GPR176: variants seen among roughly 807,000 people sequenced by gnomAD.
GPR176 encodes G protein-coupled receptor 176, also known as G-protein coupled receptor 176.
A neutral mutation model predicts 35.4 loss-of-function variants in GPR176; 26 were observed. The observed-to-expected ratio is 0.74, with a 90% CI of 0.54 to 1.02. The LOEUF (loss-of-function observed/expected upper bound fraction) is 1.02, where lower values mean the gene tolerates loss of function less well. GPR176 is among the 50% of genes least tolerant of loss of function. The probability of loss-of-function intolerance (pLI) is 0.00; values close to 1 mark genes in which losing one functional copy is unlikely to be tolerated. For missense variants in GPR176, 597 were observed against 665.3 expected (o/e 0.90, Z 1.13); for synonymous variants, 278 against 271.3 (o/e 1.02, Z -0.24).
At chr15:39,886,185 A>G (rs770918420) in intron 1 of GPR176, among the ~76,000 whole-genome samples, 1 of 152,096 alleles carries the variant, frequency 6.6e-6, no homozygotes, top group Non-Finnish European at 1.5e-5. Flanking sequence ...GTGAGCCCAG[A>G]TCGTGCCATT....
intron 1 of GPR176, among the ~76,000 whole-genome samples, chr15:39,840,922 G>GC (rs1016352961): frequency 6.6e-6 from 1 of 152,012 alleles, no homozygotes. Flanking sequence ...ATTACTAGTT[G>GC]CCCCCTGAGG....
intron 1 of GPR176, among the ~76,000 whole-genome samples, chr15:39,902,347 T>G (rs138962574): frequency 7.2e-5 from 11 of 152,294 alleles, no homozygotes; most frequent in Non-Finnish European, 1.2e-4. Context: ...CATTGATTTG[T>G]TATTAACAAG....
At chr15:39,891,738 C>G (rs2032880145) in intron 1 of GPR176, among the ~76,000 whole-genome samples, 1 of 152,128 alleles carries the variant, frequency 6.6e-6, no homozygotes, top group Admixed American at 6.5e-5. Flanking sequence ...ACTTGGGAGG[C>G]TGAGGTTGGA....
At position 39,801,909 on chromosome 15, in the gene GPR176, G is replaced by A; in HGVS notation, c.771C>T (p.Ala257=). 6.2e-7 allele frequency: 1 copy of A among 1,614,050 alleles called. No homozygotes were observed. ...CGTGCAGCTCGGCCTCCCGCTGGGA[G>A]GCATAGGGAATAGAGATGGTGTTCT... is the stretch of plus-strand genomic sequence containing the variant. ...TPQNTISIPY[A]SQREAELHAT... Residue 257 remains alanine (A), a synonymous_variant, in exon 3 of 3, where the codon GCC becomes GCT. Transcript: ENST00000561100.
At chr15:39,831,770 G>A (rs780555769) in intron 1 of GPR176, among the ~76,000 whole-genome samples, 10 of 152,102 alleles carry the variant, frequency 6.6e-5, no homozygotes, top group Non-Finnish European at 1.5e-4. Flanking sequence ...TCAGCCACTA[G>A]TCCTCTGTCT....
At chr15:39,833,307 A>G (rs1901208604) in intron 1 of GPR176, among the ~76,000 whole-genome samples, 1 of 152,232 alleles carries the variant, frequency 6.6e-6, no homozygotes, top group African/African-American at 2.4e-5. Flanking sequence ...ATACAATGAA[A>G]TATTAAAAGG....
intron 1 of GPR176, among the ~76,000 whole-genome samples, chr15:39,919,408 T>C (rs1362696419): frequency 1.3e-5 from 2 of 152,158 alleles, no homozygotes; most frequent in East Asian, 1.9e-4. Flanking sequence ...ATCAAAATAA[T>C]TGTATATATT....
rs1217860415 is a variant in GPR176 at position 39,800,554 on chromosome 15, C to T, written c.*578G>A. On this transcript the variant is annotated 3_prime_UTR_variant, in exon 3 of 3. Transcript: ENST00000561100. ...GTGAGGAATCGTCATTCCTTACCTA[C>T]ATCCCAATGAAAGGGACGAAGGGTA... The T allele has an allele frequency of 6.5e-6, 1 of 153,858 alleles. No individual in the cohort carries two copies. Among genetic ancestry groups the T allele is most frequent in the African/African-American group, 2.4e-5 (1 of 41,436 alleles). 9.5% of individuals were successfully genotyped at this position (153,858 alleles called of 1,614,324 possible).
chr15:39,811,749 T>C (rs1176431223), intron 1 of GPR176, among the ~76,000 whole-genome samples: 3 of 152,074 alleles, frequency 2.0e-5, no homozygotes, highest in East Asian at 1.9e-4. Context: ...ACCCCGTCTC[T>C]ACTAAAAATA....
chr15:39,908,160 A>G (rs1434713515), intron 1 of GPR176, among the ~76,000 whole-genome samples: 2 of 152,188 alleles, frequency 1.3e-5, no homozygotes, highest in Non-Finnish European at 1.5e-5. Flanking sequence ...CACAGCTTCC[A>G]GCCTTCTTTA....
chr15:39,856,496 G>A (rs976648440), intron 1 of GPR176, among the ~76,000 whole-genome samples: 1 of 152,174 alleles, frequency 6.6e-6, no homozygotes, highest in Non-Finnish European at 1.5e-5. Context: ...GTCAAGCTAT[G>A]GGGCATGGCT....
chr15:39,911,703 T>A (rs953402396), intron 1 of GPR176, among the ~76,000 whole-genome samples: 2 of 152,260 alleles, frequency 1.3e-5, no homozygotes, highest in African/African-American at 2.4e-5. Context: ...CAGGGCTACA[T>A]GCTTAGCTTA....
At chr15:39,830,271 C>T (rs1381717041) in intron 1 of GPR176, among the ~76,000 whole-genome samples, 1 of 152,156 alleles carries the variant, frequency 6.6e-6, no homozygotes, top group African/African-American at 2.4e-5. Context: ...GACTGCAAGG[C>T]TCTGAGCTAA....
Position 39,811,727 on chromosome 15 carries a change from G to T in GPR176, c.173-4469C>A, listed in dbSNP as rs28401568. Among the ~76,000 whole-genome samples, 1,434 of 151,906 alleles carry T rather than the reference G, an allele frequency of 9.4e-3. 14 individuals are homozygous for T. Among genetic ancestry groups the T allele is most frequent in the African/African-American group, 0.028 (1,144 of 41,432 alleles). ...GTCAGGAGATCAAGACCATCCTGGC[G>T]AACATGGTGAAACCCCGTCTCTACT... On this transcript the variant is annotated intron_variant, in intron 1 of 2. Transcript: ENST00000561100.
At chr15:39,858,579 G>A (rs1013393151) in intron 1 of GPR176, among the ~76,000 whole-genome samples, 6 of 152,066 alleles carry the variant, frequency 3.9e-5, no homozygotes, top group African/African-American at 1.4e-4. Flanking sequence ...TGGGTGTGGT[G>A]GTGCACACAT....
chr15:39,907,547 T>C (rs918703383), intron 1 of GPR176, among the ~76,000 whole-genome samples: 3 of 152,192 alleles, frequency 2.0e-5, no homozygotes, highest in African/African-American at 4.8e-5. Flanking sequence ...CAGTATTTCA[T>C]CCACACCCCA....
chr15:39,888,341 A>T (rs2032746068), intron 1 of GPR176, among the ~76,000 whole-genome samples: 2 of 152,032 alleles, frequency 1.3e-5, no homozygotes, highest in Non-Finnish European at 2.9e-5. Context: ...GCTGGAGTGT[A>T]GCGACATGAT....
At chr15:39,835,623 G>A (rs1901352276) in intron 1 of GPR176, among the ~76,000 whole-genome samples, 1 of 152,130 alleles carries the variant, frequency 6.6e-6, no homozygotes, top group African/African-American at 2.4e-5. Context: ...CAAAATATCT[G>A]TATTTCAGGA....
rs576692628 is a variant in GPR176, at chr15:39,904,031, C to T, written c.172+15824G>A. ...GTTATTCATGCCTTCCCTTTTTAGA[C>T]CACATATGGTAACTTCCTGATGTTG... On this transcript the variant is annotated intron_variant, in intron 1 of 2. Coordinates refer to ENST00000561100, the MANE Select transcript of GPR176 (RefSeq NM_007223.3). Among the ~76,000 whole-genome samples the T allele has an allele frequency of 4.6e-5, 7 of 152,288 alleles. No homozygotes were observed. In the South Asian group the frequency reaches 1.5e-3, roughly 32 times the overall value.
Sources: gnomAD v4.1 joint callset for allele counts (sites outside exome capture counted in the v4.1 genomes callset) on GRCh38, gnomAD v4.1.1 for gene constraint, MANE v1.5 for transcripts, NCBI Gene and HGNC (gene_info 2026-07-23, HGNC 2026-07-21) for gene names.